ZNF804B: variants seen among roughly 807,000 people sequenced by gnomAD.
ZNF804B encodes zinc finger 804B.
ZNF804B carries 80 observed loss-of-function variants against 101.4 expected under a neutral mutation model. That is an observed-to-expected ratio of 0.79 (90% CI 0.66 to 0.95). The LOEUF is 0.95. Ranked by LOEUF, ZNF804B falls within the 40% of genes least tolerant of loss-of-function variation. ZNF804B has a pLI of 0.00. For missense variants in ZNF804B, 1,673 were observed against 1,561.9 expected, an observed-to-expected ratio of 1.07 and a Z score of -1.20; for synonymous variants, 622 against 558.8, an observed-to-expected ratio of 1.11 and a Z score of -1.59.
chr7:88,841,913 G>A (rs114353685), intron 1 of ZNF804B, among the ~76,000 whole-genome samples: 3,935 of 152,184 alleles, frequency 0.026, 133 homozygotes, highest in African/African-American at 0.073. Flanking sequence ...TCAAACACTC[G>A]TGTAATACAG....
intron 1 of ZNF804B, among the ~76,000 whole-genome samples, chr7:88,877,013 T>TATATATA (rs1554342864): frequency 4.4e-5 from 3 of 68,958 alleles, no homozygotes; most frequent in African/African-American, 2.7e-4. Context: ...AAAAAATATA[T>TATATATA]ATATATATAT....
intron 1 of ZNF804B, among the ~76,000 whole-genome samples, chr7:88,918,865 T>C (rs1463579632): frequency 6.6e-6 from 1 of 152,102 alleles, no homozygotes; most frequent in African/African-American, 2.4e-5. Context: ...TTGTGATAAA[T>C]CCTCTGACTA....
intron 2 of ZNF804B, among the ~76,000 whole-genome samples, chr7:89,271,966 T>C (rs1296128458): frequency 1.3e-5 from 2 of 152,110 alleles, no homozygotes; most frequent in African/African-American, 4.8e-5. Flanking sequence ...ATTTGTCTTT[T>C]AGGAAGTTAA....
intron 2 of ZNF804B, among the ~76,000 whole-genome samples, chr7:89,290,069 C>T (rs764205457): frequency 2.0e-5 from 3 of 152,158 alleles, no homozygotes; most frequent in East Asian, 1.9e-4. Context: ...GCCACCCTTC[C>T]AGTCCCTAAC....
intron 1 of ZNF804B, among the ~76,000 whole-genome samples, chr7:88,842,358 A>G (rs1408695625): frequency 6.6e-6 from 1 of 152,194 alleles, no homozygotes; most frequent in Non-Finnish European, 1.5e-5. Context: ...CAGCTCTCCC[A>G]TGAAGTGGAA....
At chr7:88,953,513 C>T (rs980392983) in intron 1 of ZNF804B, among the ~76,000 whole-genome samples, 1 of 151,712 alleles carries the variant, frequency 6.6e-6, no homozygotes, top group African/African-American at 2.4e-5. Context: ...CACGTTCCCC[C>T]AACCTCCGAG....
chr7:89,199,031 G>C (rs778056710), intron 1 of ZNF804B, among the ~76,000 whole-genome samples: 2 of 151,858 alleles, frequency 1.3e-5, no homozygotes, highest in Non-Finnish European at 2.9e-5. Context: ...GTGTCTGGCT[G>C]AGGCTTCTGC....
intron 2 of ZNF804B, among the ~76,000 whole-genome samples, chr7:89,267,408 A>G (rs1429529737): frequency 6.6e-6 from 1 of 152,208 alleles, no homozygotes; most frequent in Non-Finnish European, 1.5e-5. Flanking sequence ...TTGGTTCACA[A>G]ATTTGAAAAG....
At chr7:89,066,737 A>T (rs1789460517) in intron 1 of ZNF804B, among the ~76,000 whole-genome samples, 1 of 151,436 alleles carries the variant, frequency 6.6e-6, no homozygotes, top group Non-Finnish European at 1.5e-5. Flanking sequence ...AAAATATTAC[A>T]TTCTTTTGCT....
chr7:88,819,663 T>G (rs1212462272), intron 1 of ZNF804B, among the ~76,000 whole-genome samples: 2 of 152,090 alleles, frequency 1.3e-5, no homozygotes. Context: ...AATCCACAAA[T>G]AAAATTAAAA....
chr7:89,195,475 A>G (rs1377910290), intron 1 of ZNF804B, among the ~76,000 whole-genome samples: 2 of 145,934 alleles, frequency 1.4e-5, no homozygotes, highest in Admixed American at 1.4e-4. Flanking sequence ...TAAGCTGATA[A>G]GCAACTTCAG....
intron 2 of ZNF804B, among the ~76,000 whole-genome samples, chr7:89,260,497 A>G (rs577353165): frequency 6.6e-6 from 1 of 152,284 alleles, no homozygotes; most frequent in South Asian, 2.1e-4. Context: ...GACATTTTGT[A>G]AAGCCTAAAG....
In ZNF804B at chr7:89,176,587, C is replaced by CTTTTTTTTTTTTTTTTTTTTTTTTTTTTT. The variant is rs142696289; in HGVS notation, c.109-41565_109-41564insTTTTTTTTTTTTTTTTTTTTTTTTTTTTT. The stretch of plus-strand genomic sequence containing the variant: ...TTTTCTTTTTTTTCTTTCTTTCTTT[C>CTTTTTTTTTTTTTTTTTTTTTTTTTTTTT]TTTCTTTTTTTTTTTTTTTTTCATG... On this transcript the variant is annotated intron_variant, in intron 1 of 3. Transcript: ENST00000333190. 6.3e-4 allele frequency among the ~76,000 whole-genome samples: 34 copies of CTTTTTTTTTTTTTTTTTTTTTTTTTTTTT among 53,992 alleles called. 1 individual carries two copies. The highest frequency in any genetic ancestry group is 1.3e-3 in the African/African-American group (17 of 12,960). 35.4% of individuals were successfully genotyped at this position (53,992 alleles called of 152,430 possible). A position where few individuals can be genotyped will look rare whatever the true frequency, so the allele number is the denominator to read the frequency against.
chr7:89,128,627 AAT>A (rs1241275764), intron 1 of ZNF804B, among the ~76,000 whole-genome samples: 1 of 151,922 alleles, frequency 6.6e-6, no homozygotes, highest in Non-Finnish European at 1.5e-5. Context: ...CTGTGTGTGA[AAT>A]ATGTTAATTT....
intron 1 of ZNF804B, among the ~76,000 whole-genome samples, chr7:88,931,560 TA>T (rs1157959372): frequency 2.0e-5 from 3 of 151,938 alleles, no homozygotes; most frequent in African/African-American, 4.8e-5. Context: ...GAAAAACTGA[TA>T]AGGGATAATG....
chr7:88,855,126 G>A (rs1171831177), intron 1 of ZNF804B, among the ~76,000 whole-genome samples: 4 of 151,970 alleles, frequency 2.6e-5, no homozygotes, highest in African/African-American at 9.7e-5. Flanking sequence ...CCCAGTAATG[G>A]CATTGCTGGG....
At chr7:89,111,406 T>G (rs1018199125) in intron 1 of ZNF804B, among the ~76,000 whole-genome samples, 1 of 151,560 alleles carries the variant, frequency 6.6e-6, no homozygotes, top group Non-Finnish European at 1.5e-5. Context: ...GTGTCAGTGT[T>G]CTGGATTCTA....
chr7:88,841,796 A>G (rs914806729), intron 1 of ZNF804B, among the ~76,000 whole-genome samples: 1 of 152,184 alleles, frequency 6.6e-6, no homozygotes, highest in Non-Finnish European at 1.5e-5. Flanking sequence ...TAAACATTAT[A>G]AGCGTCACTA....
intron 1 of ZNF804B, among the ~76,000 whole-genome samples, chr7:89,012,239 A>C (rs1395619761): frequency 6.6e-6 from 1 of 152,064 alleles, no homozygotes; most frequent in African/African-American, 2.4e-5. Flanking sequence ...CCTGGCCACA[A>C]AACCATTTTT....
Sources: gnomAD v4.1 joint callset for allele counts (sites outside exome capture counted in the v4.1 genomes callset) on GRCh38, gnomAD v4.1.1 for gene constraint, MANE v1.5 for transcripts, NCBI Gene and HGNC (gene_info 2026-07-23, HGNC 2026-07-21) for gene names.